ARFIP1: variants seen among roughly 807,000 people sequenced by gnomAD.
The protein encoded by ARFIP1 is ARF interacting protein 1.
Under a neutral mutation model 42.5 loss-of-function variants are expected in ARFIP1, and 24 were observed. The observed-to-expected ratio is 0.57, with a 90% CI of 0.41 to 0.80. The LOEUF (loss-of-function observed/expected upper bound fraction) is 0.80. Among genes scored for constraint, ARFIP1 ranks in the 30% least tolerant of loss-of-function variants. The pLI is 0.00. For missense variants in ARFIP1, 354 were observed against 434.0 expected (o/e 0.82, Z 1.64); for synonymous variants, 141 against 153.7 (o/e 0.92, Z 0.61).
chr4:152,897,161 AAG>A (rs1737410262), intron 8 of ARFIP1, among the ~76,000 whole-genome samples: 1 of 152,232 alleles, frequency 6.6e-6, no homozygotes, highest in Admixed American at 6.5e-5. Context: ...TACAACCAAA[AAG>A]AATTGTGAGT....
chr4:152,891,620 T>G (rs940848756), intron 8 of ARFIP1, among the ~76,000 whole-genome samples: 3 of 152,204 alleles, frequency 2.0e-5, no homozygotes, highest in Non-Finnish European at 2.9e-5. Flanking sequence ...GTTCTTTTGT[T>G]AAACTAGGTG....
At chr4:152,865,182 G>A (rs1264597398) in intron 3 of ARFIP1, among the ~76,000 whole-genome samples, 1 of 151,844 alleles carries the variant, frequency 6.6e-6, no homozygotes, top group Non-Finnish European at 1.5e-5. Context: ...CTGTTGCCCA[G>A]GCTGGAGTGC....
At chr4:152,888,335 C>T (rs935175682) in intron 8 of ARFIP1, 28 bp downstream of exon 8, 1 of 1,502,698 alleles carries the variant, frequency 6.7e-7, no homozygotes, top group South Asian at 1.3e-5. Context: ...TAAGGTCTTT[C>T]TGTGGACTTT....
rs1736395281 is a variant in ARFIP1 at position 152,887,945 on chromosome 4, T to G, written c.792-188T>G. 3.3e-5 allele frequency among the ~76,000 whole-genome samples: 5 copies of G among 152,116 alleles called. No homozygotes were observed. The South Asian group carries it at 1.0e-3, about 31-fold the overall frequency. On this transcript the variant is annotated intron_variant, in intron 7 of 8. Coordinates refer to ENST00000353617, the MANE Select transcript of ARFIP1 (RefSeq NM_001025595.3). The stretch of plus-strand genomic sequence containing the variant: ...TAGTTAATGAGATTAACCAGCAGCT[T>G]TGTTCTTATTTAAATAGCTCTTTGT...
At chr4:152,849,353 A>G (rs1342110134) in intron 2 of ARFIP1, among the ~76,000 whole-genome samples, 1 of 152,354 alleles carries the variant, frequency 6.6e-6, no homozygotes, top group African/African-American at 2.4e-5. Context: ...GTCTTAAATT[A>G]TAATCTGAGA....
In ARFIP1 at chr4:152,869,106, G is replaced by T. The variant is rs546605354; in HGVS notation, c.203-1647G>T. Among the ~76,000 whole-genome samples, 12 of 152,262 alleles carry T rather than the reference G, an allele frequency of 7.9e-5. No individual in the cohort carries two copies. In the South Asian group the frequency reaches 2.3e-3, roughly 29 times the overall value. The stretch of plus-strand genomic sequence containing the variant: ...ATTGCATGTTTGAATTTTAATGTGA[G>T]ATCCAGTTCAAGTTAAGGTATATTT... On this transcript the variant is annotated intron_variant, in intron 3 of 8. Transcript: ENST00000353617.
intron 2 of ARFIP1, among the ~76,000 whole-genome samples, chr4:152,861,830 A>G (rs949014926): frequency 2.6e-5 from 4 of 152,108 alleles, no homozygotes; most frequent in African/African-American, 7.2e-5. Flanking sequence ...TTGAATTTTC[A>G]TTAAAAGTTT....
intron 8 of ARFIP1, among the ~76,000 whole-genome samples, chr4:152,893,565 G>C (rs986415327): frequency 1.3e-5 from 2 of 152,124 alleles, no homozygotes; most frequent in Non-Finnish European, 2.9e-5. Flanking sequence ...GAATGTATCA[G>C]AAGATTCAAC....
At chr4:152,865,318 G>T (rs1162421957) in intron 3 of ARFIP1, among the ~76,000 whole-genome samples, 3 of 152,012 alleles carry the variant, frequency 2.0e-5, no homozygotes, top group Non-Finnish European at 4.4e-5. Context: ...TATATTTTTA[G>T]TAGAGACGGG....
At position 152,847,283 on chromosome 4, in the gene ARFIP1, C is replaced by T. The variant is rs1225839958; in HGVS notation, c.94-16323C>T. ...AAGTAGCTGGGACCACAGTCATGTGCCACCACGCCCGGCTAATTTTTGTAT... is the reference window on the plus strand; with the variant it reads ...AAGTAGCTGGGACCACAGTCATGTGTCACCACGCCCGGCTAATTTTTGTAT... On this transcript the variant is annotated intron_variant, in intron 2 of 8. Transcript: ENST00000353617. Among the ~76,000 whole-genome samples the T allele has an allele frequency of 2.0e-5, 3 of 151,488 alleles. No individual in the cohort carries two copies. The East Asian group carries it at 5.8e-4, about 29-fold the overall frequency.
intron 2 of ARFIP1, among the ~76,000 whole-genome samples, chr4:152,852,647 T>C (rs34333332): frequency 6.6e-6 from 1 of 150,832 alleles, no homozygotes; most frequent in Non-Finnish European, 1.5e-5. Flanking sequence ...AAAAAAAAAA[T>C]TTCGGGTTAT....
At chr4:152,814,359 G>A (rs1033385388) in intron 1 of ARFIP1, among the ~76,000 whole-genome samples, 1 of 152,088 alleles carries the variant, frequency 6.6e-6, no homozygotes, top group Non-Finnish European at 1.5e-5. Flanking sequence ...CTACCAAAGT[G>A]CTGGGATTAT....
At chr4:152,870,426 A>G (rs1578975626) in intron 3 of ARFIP1, among the ~76,000 whole-genome samples, 2 of 152,344 alleles carry the variant, frequency 1.3e-5, no homozygotes, top group Middle Eastern at 3.4e-3. Context: ...TCATCCAGCT[A>G]TGGGACTGTA....
At chr4:152,888,879 C>T (rs1422142529) in intron 8 of ARFIP1, among the ~76,000 whole-genome samples, 1 of 152,114 alleles carries the variant, frequency 6.6e-6, no homozygotes, top group Non-Finnish European at 1.5e-5. Context: ...TACTAATAGG[C>T]TCCTGTGTTT....
intron 1 of ARFIP1, among the ~76,000 whole-genome samples, chr4:152,787,446 C>G (rs1730873882): frequency 1.3e-5 from 2 of 152,224 alleles, no homozygotes; most frequent in Admixed American, 1.3e-4. Flanking sequence ...CTGCCTAGCC[C>G]CCTTCAGCTG....
chr4:152,815,738 C>CTTTTTTTTTTTTTTTTTTTT (rs1218298842), intron 1 of ARFIP1, among the ~76,000 whole-genome samples: 1 of 85,548 alleles, frequency 1.2e-5, no homozygotes, highest in Non-Finnish European at 2.2e-5. Context: ...CTGACCACTT[C>CTTTTTTTTTTTTTTTTTTTT]TTTTTTTTTT....
chr4:152,905,330 C>T (rs1459961638), intron 8 of ARFIP1, among the ~76,000 whole-genome samples: 1 of 152,216 alleles, frequency 6.6e-6, no homozygotes, highest in South Asian at 2.1e-4. Context: ...TTCAGTTGCT[C>T]AGCATCCTGG....
chr4:152,908,148 G>A (rs1219835559), intron 8 of ARFIP1, among the ~76,000 whole-genome samples: 5 of 152,100 alleles, frequency 3.3e-5, no homozygotes, highest in African/African-American at 1.2e-4. Flanking sequence ...TTCCTCCTCT[G>A]TGAAATGTTT....
intron 8 of ARFIP1, among the ~76,000 whole-genome samples, chr4:152,897,341 T>G (rs1375954906): frequency 6.6e-6 from 1 of 152,014 alleles, no homozygotes; most frequent in Admixed American, 6.5e-5. Flanking sequence ...CCAGTTATGC[T>G]AAGATTCCGG....
Sources: allele counts gnomAD v4.1 joint callset (sites outside exome capture counted in the v4.1 genomes callset), GRCh38; gene constraint gnomAD v4.1.1; transcripts MANE v1.5; gene names NCBI Gene and HGNC (gene_info 2026-07-23, HGNC 2026-07-21).